Variants in PIGL observed in about 807,000 individuals in gnomAD.
The protein encoded by PIGL is phosphatidylinositol glycan anchor biosynthesis class L, also known as N-acetylglucosaminyl-phosphatidylinositol de-N-acetylase.
Under a neutral mutation model 31.1 loss-of-function variants are expected in PIGL, and 22 were observed. The ratio of observed to expected loss-of-function variants is 0.71; its 90% CI spans 0.51 to 1.01. PIGL has a LOEUF of 1.01. Among genes scored for constraint, PIGL ranks in the 50% least tolerant of loss-of-function variants. The pLI is 0.00. For synonymous variants in PIGL, 131 were observed against 117.4 expected (o/e 1.12, Z -0.75); for missense variants, 302 against 315.9 (o/e 0.96, Z 0.33).
intron 1 of PIGL, among the ~76,000 whole-genome samples, chr17:16,233,017 G>A (rs2092685309): frequency 6.6e-6 from 1 of 151,866 alleles, no homozygotes; most frequent in African/African-American, 2.4e-5. Flanking sequence ...ACTGAGCTGA[G>A]GCAGGAGAAT....
At chr17:16,295,848 A>G (rs1450319748) in intron 2 of PIGL, among the ~76,000 whole-genome samples, 2 of 152,066 alleles carry the variant, frequency 1.3e-5, no homozygotes, top group Admixed American at 1.3e-4. Flanking sequence ...AGCTGAGGCA[A>G]GAGAATCACT....
intron 1 of PIGL, among the ~76,000 whole-genome samples, chr17:16,219,295 T>C (rs1015765150): frequency 2.6e-5 from 4 of 150,956 alleles, no homozygotes; most frequent in African/African-American, 9.7e-5. Flanking sequence ...CTCCTGAACT[T>C]TTGATCTGCC....
chr17:16,317,585 G>A (rs568893225), intron 5 of PIGL, 190 bp from the exon 6 acceptor site: 4 of 1,394,178 alleles, frequency 2.9e-6, no homozygotes, highest in Non-Finnish European at 3.7e-6. Flanking sequence ...GGTCTTCTAT[G>A]GCCCTTTTAC....
At chr17:16,269,735 T>A (rs2092862316) in intron 2 of PIGL, among the ~76,000 whole-genome samples, 1 of 148,016 alleles carries the variant, frequency 6.8e-6, no homozygotes, top group Non-Finnish European at 1.5e-5. Context: ...ATGAATCTAA[T>A]GGGGTGGGTG....
intron 2 of PIGL, among the ~76,000 whole-genome samples, chr17:16,239,504 AAAAG>A (rs557905389): frequency 1.3e-3 from 205 of 152,228 alleles, no homozygotes; most frequent in African/African-American, 4.8e-3. Flanking sequence ...AAAGAAAAAA[AAAAG>A]AAAAAGAAAA....
chr17:16,231,171 A>G (rs566045900), intron 1 of PIGL, among the ~76,000 whole-genome samples: 3 of 143,198 alleles, frequency 2.1e-5, no homozygotes, highest in South Asian at 2.2e-4. Flanking sequence ...CCAAAGTGCT[A>G]GGAGCTGGGA....
intron 6 of PIGL, among the ~76,000 whole-genome samples, chr17:16,320,097 G>A (rs187399115): frequency 2.7e-4 from 40 of 148,478 alleles, no homozygotes; most frequent in African/African-American, 1.0e-3. Context: ...TCTGCCCTGG[G>A]CAACACAGCT....
chr17:16,323,500 G>T (rs2093114564), intron 6 of PIGL, among the ~76,000 whole-genome samples: 1 of 151,768 alleles, frequency 6.6e-6, no homozygotes, highest in Non-Finnish European at 1.5e-5. Flanking sequence ...TCCCAAAGTG[G>T]TGAGATTACG....
chr17:16,261,085 C>T (rs1215691509), intron 2 of PIGL, among the ~76,000 whole-genome samples: 1 of 148,176 alleles, frequency 6.7e-6, no homozygotes, highest in Non-Finnish European at 1.5e-5. Flanking sequence ...TGCTACTGCA[C>T]TTCAGCCTGG....
chr17:16,247,708 C>T (rs2092754495), intron 2 of PIGL, among the ~76,000 whole-genome samples: 5 of 152,192 alleles, frequency 3.3e-5, no homozygotes, highest in African/African-American at 1.2e-4. Context: ...CCAGATAGCT[C>T]TGTTGTCTGG....
chr17:16,238,904 C>T (rs1331890271), intron 2 of PIGL, among the ~76,000 whole-genome samples: 8 of 112,992 alleles, frequency 7.1e-5, no homozygotes, highest in East Asian at 4.7e-4. Flanking sequence ...AGTGAGACCC[C>T]GTCTCAAAAA....
Position 16,315,708 on chromosome 17 carries a change from CTTTTTTTTTTT to C in PIGL, c.495-958_495-948del, listed in dbSNP as rs1157169209. On this transcript the variant is annotated intron_variant, in intron 4 of 6. Coordinates refer to ENST00000225609, the MANE Select transcript of PIGL (RefSeq NM_004278.4). ...CTTTTCTTTCTTTCTTTCTTTCTTT[CTTTTTTTTTTT>C]TTTTTTTTTTTTTTGAGACAGAGTC... Among the ~76,000 whole-genome samples the C allele has an allele frequency of 1.9e-3, 110 of 59,014 alleles. No individual in the cohort carries two copies. In the Middle Eastern group the frequency reaches 0.067, roughly 36 times the overall value. The allele number at this position is 59,014 out of a possible 152,430, so 38.7% of individuals were successfully genotyped here.
At chr17:16,257,194 A>C (rs756718543) in intron 2 of PIGL, among the ~76,000 whole-genome samples, 27 of 152,120 alleles carry the variant, frequency 1.8e-4, no homozygotes, top group Non-Finnish European at 3.1e-4. Flanking sequence ...AGGCAGGTTG[A>C]TCACCTGAGG....
chr17:16,288,252 G>A (rs1266883675), intron 2 of PIGL, among the ~76,000 whole-genome samples: 1 of 151,840 alleles, frequency 6.6e-6, no homozygotes, highest in East Asian at 1.9e-4. Context: ...TGTTGCCCAG[G>A]TTGGAGTACA....
chr17:16,249,752 A>G (rs56939597), intron 2 of PIGL, among the ~76,000 whole-genome samples: 3,447 of 152,286 alleles, frequency 0.023, 123 homozygotes, highest in African/African-American at 0.078. Context: ...GGAGAGAGGA[A>G]ATCACCTTTT....
At chr17:16,291,860 A>G (rs2092962250) in intron 2 of PIGL, among the ~76,000 whole-genome samples, 1 of 150,342 alleles carries the variant, frequency 6.7e-6, no homozygotes, top group South Asian at 2.1e-4. Context: ...GTGAGACTCA[A>G]TCTCAAAAAA....
intron 2 of PIGL, among the ~76,000 whole-genome samples, chr17:16,270,697 G>A (rs993150700): frequency 1.3e-5 from 2 of 151,944 alleles, no homozygotes; most frequent in African/African-American, 4.8e-5. Flanking sequence ...AGGAGTTTGA[G>A]ACCAGCCTGG....
At chr17:16,324,816 G>C (rs1490124315) in intron 6 of PIGL, among the ~76,000 whole-genome samples, 1 of 152,080 alleles carries the variant, frequency 6.6e-6, no homozygotes, top group African/African-American at 2.4e-5. Context: ...AATCTATTCT[G>C]TTTAAAAACT....
At chr17:16,310,001 C>G (rs1054853089) in intron 3 of PIGL, among the ~76,000 whole-genome samples, 1 of 149,216 alleles carries the variant, frequency 6.7e-6, no homozygotes, top group Admixed American at 6.8e-5. Flanking sequence ...TCTCTTGAAC[C>G]CAGGAGACAG....
Sources: gnomAD v4.1 joint callset for allele counts (sites outside exome capture counted in the v4.1 genomes callset) on GRCh38, gnomAD v4.1.1 for gene constraint, MANE v1.5 for transcripts, NCBI Gene and HGNC (gene_info 2026-07-23, HGNC 2026-07-21) for gene names.